PRR16: variants seen among roughly 807,000 people sequenced by gnomAD.
The protein encoded by PRR16 is protein Largen.
PRR16 carries 6 observed loss-of-function variants against 18.2 expected under a neutral mutation model. That is an observed-to-expected ratio of 0.33 (90% CI 0.18 to 0.65). PRR16 has a LOEUF of 0.65. PRR16 is among the 30% of genes least tolerant of loss of function. PRR16 has a pLI of 0.74. For synonymous variants in PRR16, 151 were observed against 147.8 expected (o/e 1.02, Z -0.16); for missense variants, 412 against 376.6 (o/e 1.09, Z -0.78).
At chr5:120,627,871 A>G (rs1279962082) in intron 1 of PRR16, among the ~76,000 whole-genome samples, 2 of 152,150 alleles carry the variant, frequency 1.3e-5, no homozygotes, top group African/African-American at 4.8e-5. Flanking sequence ...TCAAAAGCTT[A>G]CAAATCCATT....
the PRR16 span, among the ~76,000 whole-genome samples, chr5:120,732,821 A>T: frequency 1.3e-5 from 2 of 152,156 alleles, no homozygotes; most frequent in Non-Finnish European, 2.9e-5. Flanking sequence ...AAAGGTGAAA[A>T]TTTTGTGTAT....
the PRR16 span, among the ~76,000 whole-genome samples, chr5:120,738,233 A>T: frequency 2.0e-5 from 3 of 152,082 alleles, no homozygotes; most frequent in Non-Finnish European, 1.5e-5. Context: ...TCAGTAATAC[A>T]TCTATGGGGG....
intron 1 of PRR16, among the ~76,000 whole-genome samples, chr5:120,589,267 C>A (rs747468306): frequency 6.6e-5 from 10 of 152,050 alleles, no homozygotes; most frequent in Non-Finnish European, 1.3e-4. Flanking sequence ...CTGAAACATG[C>A]CTAATTTCTT....
intron 1 of PRR16, among the ~76,000 whole-genome samples, chr5:120,525,610 C>CTTTT (rs529926112): frequency 3.1e-5 from 4 of 129,094 alleles, no homozygotes; most frequent in African/African-American, 8.5e-5. Flanking sequence ...ATCAATATTG[C>CTTTT]TTTTTTTTTT....
chr5:120,594,241 A>G (rs1423009097), intron 1 of PRR16, among the ~76,000 whole-genome samples: 2 of 151,846 alleles, frequency 1.3e-5, no homozygotes, highest in South Asian at 2.1e-4. Context: ...ATGATTCTAT[A>G]TCTAGAAAAC....
chr5:120,725,284 G>A, the PRR16 span, among the ~76,000 whole-genome samples: 1 of 146,154 alleles, frequency 6.8e-6, no homozygotes, highest in Non-Finnish European at 1.5e-5. Context: ...AACTCCTTGT[G>A]GTTGTAAATT....
the PRR16 span, chr5:120,781,452 A>G: frequency 6.6e-6 from 1 of 152,182 alleles, no homozygotes; most frequent in South Asian, 2.1e-4. Flanking sequence ...AATAAACTAG[A>G]GGAAACAGAG....
chr5:120,667,208 A>G, intron 1 of PRR16, among the ~76,000 whole-genome samples: 1 of 149,554 alleles, frequency 6.7e-6, no homozygotes, highest in Non-Finnish European at 1.5e-5. Flanking sequence ...GTGTCGAGGA[A>G]TTTATCCATT....
chr5:120,689,234 T>C (rs1485632835), downstream of PRR16, among the ~76,000 whole-genome samples: 1 of 152,212 alleles, frequency 6.6e-6, no homozygotes, highest in Non-Finnish European at 1.5e-5. Flanking sequence ...TGTACCAATA[T>C]GTTTTCTTGC....
At chr5:120,543,818 C>G (rs1000353096) in intron 1 of PRR16, among the ~76,000 whole-genome samples, 2 of 152,154 alleles carry the variant, frequency 1.3e-5, no homozygotes, top group African/African-American at 4.8e-5. Flanking sequence ...TACTTCTCAT[C>G]ATGGAGCTAT....
At chr5:120,716,167 CAT>C in the PRR16 span, among the ~76,000 whole-genome samples, 977 of 152,258 alleles carry the variant, frequency 6.4e-3, 5 homozygotes, top group Non-Finnish European at 9.4e-3. Flanking sequence ...AGTTACTCAA[CAT>C]ATATTTATTG....
chr5:120,613,779 T>A (rs1404302), intron 1 of PRR16, among the ~76,000 whole-genome samples: 11,392 of 152,224 alleles, frequency 0.075, 1,390 homozygotes, highest in African/African-American at 0.26. Context: ...TTCAATTTTT[T>A]ATATCCAGGC....
At chr5:120,542,365 A>C (rs1165975245) in intron 1 of PRR16, among the ~76,000 whole-genome samples, 6 of 152,152 alleles carry the variant, frequency 3.9e-5, no homozygotes, top group African/African-American at 1.4e-4. Flanking sequence ...TTAGATTTAT[A>C]AAAAAGTTGC....
At chr5:120,483,204 T>C (rs182631024) in intron 1 of PRR16, among the ~76,000 whole-genome samples, 10 of 152,274 alleles carry the variant, frequency 6.6e-5, no homozygotes, top group South Asian at 6.2e-4. Context: ...GAAAAAAGAA[T>C]GCAAGAATTC....
At chr5:120,792,427 T>G in the PRR16 span, among the ~76,000 whole-genome samples, 1 of 152,244 alleles carries the variant, frequency 6.6e-6, no homozygotes, top group African/African-American at 2.4e-5. Flanking sequence ...TCACTGTTTC[T>G]TCTTTCATCT....
intron 1 of PRR16, among the ~76,000 whole-genome samples, chr5:120,478,803 G>T (rs960288679): frequency 1.3e-4 from 20 of 152,046 alleles, no homozygotes; most frequent in African/African-American, 3.9e-4. Context: ...CTAAAATGGG[G>T]AGAAAGCATG....
chr5:120,549,052 A>G (rs1752167024), intron 1 of PRR16, among the ~76,000 whole-genome samples: 1 of 151,970 alleles, frequency 6.6e-6, no homozygotes, highest in Non-Finnish European at 1.5e-5. Context: ...CTAAAAGAGC[A>G]TATTGACCTG....
intron 1 of PRR16, among the ~76,000 whole-genome samples, chr5:120,636,293 G>C (rs1755224806): frequency 6.6e-6 from 1 of 151,922 alleles, no homozygotes; most frequent in Admixed American, 6.6e-5. Context: ...AATTCACATG[G>C]AACCACAAAA....
chr5:120,510,681 T>G (rs1392483039), intron 1 of PRR16, among the ~76,000 whole-genome samples: 1 of 152,150 alleles, frequency 6.6e-6, no homozygotes, highest in Non-Finnish European at 1.5e-5. Context: ...ATTACATAAA[T>G]GACTTCTATT....
Sources: allele counts gnomAD v4.1 joint callset (sites outside exome capture counted in the v4.1 genomes callset), GRCh38; gene constraint gnomAD v4.1.1; transcripts MANE v1.5; gene names NCBI Gene and HGNC (gene_info 2026-07-23, HGNC 2026-07-21).